Variants in CEP350 observed in about 807,000 individuals in gnomAD.
CEP350 encodes the protein centrosomal protein 350.
Under a neutral mutation model 331.8 loss-of-function variants are expected in CEP350, and 126 were observed. That is an observed-to-expected ratio of 0.38 (90% confidence interval 0.33 to 0.44). The LOEUF (loss-of-function observed/expected upper bound fraction) is 0.44, where lower values mean the gene tolerates loss of function less well. Among genes scored for constraint, CEP350 ranks in the 20% least tolerant of loss-of-function variants. The pLI, the probability that CEP350 is intolerant of heterozygous loss-of-function variation, is 1.00. For missense variants in CEP350, 3,406 were observed against 3,634.6 expected, an observed-to-expected ratio of 0.94 and a Z score of 1.62; for synonymous variants, 1,200 against 1,259.5, an observed-to-expected ratio of 0.95 and a Z score of 1.00.
In CEP350 at chr1:180,065,366, A is replaced by G. The variant is rs193037727; in HGVS notation, c.5567+94A>G. 9.9e-5 allele frequency: 123 copies of G among 1,246,712 alleles called. 1 individual carries two copies. The African/African-American group carries it at 1.6e-3, about 17-fold the overall frequency. The allele number at this position is 1,246,712 out of a possible 1,614,324, so 77.2% of individuals were successfully genotyped here. A position where few individuals can be genotyped will look rare whatever the true frequency, so the allele number is the denominator to read the frequency against. ...TAATACTTCACTAGATTAGATTGAGACAAAATATTTTATGGATTCAGTAGC... is the reference window on the plus strand; with the variant it reads ...TAATACTTCACTAGATTAGATTGAGGCAAAATATTTTATGGATTCAGTAGC... On this transcript the variant is annotated intron_variant, in intron 27 of 37. Coordinates refer to ENST00000367607, the MANE Select transcript of CEP350 (RefSeq NM_014810.5).
At chr1:180,052,487 A>C (rs999502885) in intron 22 of CEP350, among the ~76,000 whole-genome samples, 1 of 152,242 alleles carries the variant, frequency 6.6e-6, no homozygotes, top group Non-Finnish European at 1.5e-5. Context: ...CAATAAAAAA[A>C]AGGATGCAGG....
At chr1:179,988,540 G>GT (rs1025396654) in intron 3 of CEP350, among the ~76,000 whole-genome samples, 12 of 151,538 alleles carry the variant, frequency 7.9e-5, no homozygotes, top group African/African-American at 2.4e-4. Flanking sequence ...ATAACAGGTT[G>GT]TTTTTTTTCT....
intron 1 of CEP350, among the ~76,000 whole-genome samples, chr1:179,984,873 G>A (rs548170573): frequency 6.6e-6 from 1 of 152,216 alleles, no homozygotes; most frequent in East Asian, 1.9e-4. Context: ...TTTTATAAAA[G>A]ACTAGTTCCT....
intron 1 of CEP350, among the ~76,000 whole-genome samples, chr1:179,975,028 A>T (rs1437235944): frequency 1.3e-5 from 2 of 152,082 alleles, no homozygotes; most frequent in African/African-American, 2.4e-5. Flanking sequence ...AAATGAAGAG[A>T]ATACTATAGG....
chr1:180,014,565 A>G, intron 10 of CEP350, 60 bp downstream of exon 10: 2 of 1,450,580 alleles, frequency 1.4e-6, no homozygotes, highest in Non-Finnish European at 9.2e-7. Flanking sequence ...CTTATTTGCT[A>G]TACTATTTAA....
At chr1:180,026,249 C>A (rs184910743) in intron 14 of CEP350, among the ~76,000 whole-genome samples, 1 of 149,616 alleles carries the variant, frequency 6.7e-6, no homozygotes, top group South Asian at 2.1e-4. Context: ...CCAGCCTGGG[C>A]GACAGAGTGA....
At chr1:179,991,667 ATGTGTGTGTGTGTGTGTGTGTG>A (rs751570955) in intron 4 of CEP350, among the ~76,000 whole-genome samples, 9 of 90,194 alleles carry the variant, frequency 1.0e-4, no homozygotes, top group Non-Finnish European at 1.7e-4. Context: ...ATATATATAT[ATGTGTGTGTGTGTGTGTGTGTG>A]TGTGTGTGTG....
Position 180,031,314 on chromosome 1 carries a change from T to C in CEP350, c.3551-6T>C. On this transcript the variant is annotated splice_polypyrimidine_tract_variant and splice_region_variant and intron_variant, in intron 14 of 37. Coordinates refer to ENST00000367607, the MANE Select transcript of CEP350 (RefSeq NM_014810.5). ...GAATCAGCTTTATAAGAAATTTACT[T>C]TACAGGGTTGGATTCATTCACTGGA... 6.3e-7 allele frequency: 1 copy of C among 1,581,686 alleles called. No homozygotes were observed. Among genetic ancestry groups the C allele is most frequent in the Non-Finnish European group, 8.7e-7 (1 of 1,155,568 alleles).
At chr1:180,009,915 T>C (rs1343390038) in intron 8 of CEP350, among the ~76,000 whole-genome samples, 1 of 152,140 alleles carries the variant, frequency 6.6e-6, no homozygotes, top group Non-Finnish European at 1.5e-5. Flanking sequence ...TTATAGCCCT[T>C]TTTAAAGAAA....
Position 180,021,824 on chromosome 1 carries a change from A to G in CEP350, c.3235+815A>G, listed in dbSNP as rs181023391. Among the ~76,000 whole-genome samples the G allele has an allele frequency of 1.2e-4, 19 of 152,316 alleles. No homozygotes were observed. In the East Asian group the frequency reaches 2.7e-3, roughly 22 times the overall value. The stretch of plus-strand genomic sequence containing the variant: ...TAATTTGAATAGCAATCAGACTTTA[A>G]ACAATAATGTAGCTATATATTTGAT... On this transcript the variant is annotated intron_variant, in intron 12 of 37. Coordinates refer to ENST00000367607, the MANE Select transcript of CEP350 (RefSeq NM_014810.5).
chr1:180,060,785 AG>A lies in CEP350; in HGVS notation c.5263-1434del, dbSNP rs1658179935. Among the ~76,000 whole-genome samples, 8 of 152,342 alleles carry A rather than the reference AG, an allele frequency of 5.3e-5. No homozygotes were observed. The South Asian group carries it at 1.7e-3, about 32-fold the overall frequency. On this transcript the variant is annotated intron_variant, in intron 25 of 37. Coordinates refer to ENST00000367607, the MANE Select transcript of CEP350 (RefSeq NM_014810.5). The stretch of plus-strand genomic sequence containing the variant: ...ATCAAAAGTGATATCTAGTAAAGCA[AG>A]ATTTAAAATATATACATATGATATT...
At chr1:180,110,071 T>C (rs140603757) in intron 37 of CEP350, among the ~76,000 whole-genome samples, 97 of 152,376 alleles carry the variant, frequency 6.4e-4, no homozygotes, top group African/African-American at 2.3e-3. Context: ...AAAATAGTAT[T>C]GTATTAATAT....
chr1:180,035,523 T>C (rs1055484576), intron 16 of CEP350, among the ~76,000 whole-genome samples: 4 of 152,208 alleles, frequency 2.6e-5, no homozygotes, highest in African/African-American at 7.2e-5. Context: ...TTTACCATTC[T>C]GAAAATCCTA....
Position 180,111,450 on chromosome 1 carries a change from C to G in CEP350, c.*289C>G. On this transcript the variant is annotated 3_prime_UTR_variant, in exon 38 of 38. Transcript: ENST00000367607. ...CTAGGTCCCAGAGGGCCAGAAACAC[C>G]TGACTTACCTCTGAGTTTAGACTAG... 3 of 249,870 alleles carry G rather than the reference C, an allele frequency of 1.2e-5. No homozygotes were observed. Among genetic ancestry groups the G allele is most frequent in the Admixed American group, 5.1e-5 (1 of 19,550 alleles). The allele number at this position is 249,870 out of a possible 1,614,324, so 15.5% of individuals were successfully genotyped here. A position where few individuals can be genotyped will look rare whatever the true frequency, so the allele number is the denominator to read the frequency against.
At chr1:180,016,242 A>G (rs1654963278) in intron 11 of CEP350, among the ~76,000 whole-genome samples, 1 of 152,228 alleles carries the variant, frequency 6.6e-6, no homozygotes, top group Admixed American at 6.5e-5. Flanking sequence ...ACACACAATA[A>G]AAGTGTGTTG....
chr1:180,021,089 T>C lies in CEP350; in HGVS notation c.3235+80T>C, dbSNP rs188940919. 2.4e-4 allele frequency: 301 copies of C among 1,251,420 alleles called. 1 individual carries two copies. The East Asian group carries it at 7.1e-3, about 30-fold the overall frequency. 77.5% of individuals were successfully genotyped at this position (1,251,420 alleles called of 1,614,324 possible). ...TAATTTCTGTATGAGATATGTACTTTAGTACACATTTTTCGTTGAGTGGAT... is the reference window on the plus strand; with the variant it reads ...TAATTTCTGTATGAGATATGTACTTCAGTACACATTTTTCGTTGAGTGGAT... On this transcript the variant is annotated intron_variant, in intron 12 of 37. Coordinates refer to ENST00000367607, the MANE Select transcript of CEP350 (RefSeq NM_014810.5).
At position 180,111,201 on chromosome 1, in the gene CEP350, T is replaced by C; in HGVS notation, c.*40T>C. Reference sequence around the variant, plus strand: ...ATCGAACGCTGAGTGCTAATGTGAGTCCTGGGCCTTTCTGCCTCCTGATGT... The same window carrying C: ...ATCGAACGCTGAGTGCTAATGTGAGCCCTGGGCCTTTCTGCCTCCTGATGT... On this transcript the variant is annotated 3_prime_UTR_variant, in exon 38 of 38. Coordinates refer to ENST00000367607, the MANE Select transcript of CEP350 (RefSeq NM_014810.5). The C allele has an allele frequency of 1.2e-6, 2 of 1,602,154 alleles. No homozygotes were observed. The highest frequency in any genetic ancestry group is 1.7e-6 in the Non-Finnish European group (2 of 1,171,902).
At position 180,020,300 on chromosome 1, in the gene CEP350, A is replaced by G. The variant is rs1394480061; in HGVS notation, c.2526A>G (p.Glu842=). ...CTTTGTCCAGCAGAATTGAAAGTGA[A>G]GCCAAGAAATTAGCTGGGGCCAGCA... ...AASLSSRIES[E]AKKLAGASIN... is the part of the protein sequence containing the mutation. The change falls in exon 12 of 38, where the codon GAA becomes GAG. Residue 842 remains glutamate (E), a synonymous_variant. Transcript: ENST00000367607. 6.2e-7 allele frequency: 1 copy of G among 1,613,902 alleles called. No individual in the cohort carries two copies. The highest frequency in any genetic ancestry group is 1.3e-5 in the African/African-American group (1 of 74,940).
At chr1:179,964,667 TA>T (rs143905274) in intron 1 of CEP350, among the ~76,000 whole-genome samples, 12,638 of 152,128 alleles carry the variant, frequency 0.083, 693 homozygotes, top group Non-Finnish European at 0.12. Flanking sequence ...TTTGTGCACA[TA>T]AAGATGTTCA....
Sources: gnomAD v4.1 joint callset for allele counts (sites outside exome capture counted in the v4.1 genomes callset) on GRCh38, gnomAD v4.1.1 for gene constraint, MANE v1.5 for transcripts, NCBI Gene and HGNC (gene_info 2026-07-23, HGNC 2026-07-21) for gene names.